The following HAS2 variants were observed in gnomAD, a reference collection of about 807,000 sequenced individuals.
HAS2 encodes the protein hyaluronan synthase 2, also known as HA synthase 2.
In HAS2, 16 loss-of-function variants were observed where a neutral mutation model predicts 51.6. The ratio of observed to expected loss-of-function variants is 0.31; its 90% CI spans 0.21 to 0.47. The LOEUF (loss-of-function observed/expected upper bound fraction) is 0.47, where lower values mean the gene tolerates loss of function less well. HAS2 is among the 20% of genes least tolerant of loss of function. The pLI, the probability that HAS2 is intolerant of heterozygous loss-of-function variation, is 1.00. For missense variants in HAS2, 361 were observed against 662.6 expected (o/e 0.54, Z 5.00); for synonymous variants, 228 against 235.5 (o/e 0.97, Z 0.29).
In HAS2 at chr8:121,636,157, A is replaced by G. The variant is rs148945857; in HGVS notation, c.-1+4696T>C. Reference sequence around the variant, plus strand: ...CATCACAAGTTTTAAAATCTCCTCCAGCAATTCAGCTATATAACAAAGTTT... The same window carrying G: ...CATCACAAGTTTTAAAATCTCCTCCGGCAATTCAGCTATATAACAAAGTTT... On this transcript the variant is annotated intron_variant, in intron 1 of 3. Coordinates refer to ENST00000303924, the MANE Select transcript of HAS2 (RefSeq NM_005328.3). 3.4e-3 allele frequency among the ~76,000 whole-genome samples: 516 copies of G among 152,368 alleles called. 3 individuals carry two copies. The Middle Eastern group carries it at 0.034, about 10-fold the overall frequency.
intron 3 of HAS2, among the ~76,000 whole-genome samples, chr8:121,616,298 G>A (rs1459713064): frequency 6.6e-6 from 1 of 151,420 alleles, no homozygotes; most frequent in Non-Finnish European, 1.5e-5. Flanking sequence ...GTATAAACTT[G>A]AGTCTCTGTT....
chr8:121,626,896 T>G (rs551970993), intron 2 of HAS2, among the ~76,000 whole-genome samples: 2 of 152,318 alleles, frequency 1.3e-5, no homozygotes, highest in Admixed American at 1.3e-4. Flanking sequence ...ATCTGGAGAC[T>G]TCCCCTATCT....
At chr8:121,625,658 AC>A (rs1452517683) in intron 2 of HAS2, among the ~76,000 whole-genome samples, 7 of 146,246 alleles carry the variant, frequency 4.8e-5, no homozygotes, top group Non-Finnish European at 1.0e-4. Flanking sequence ...AGAGACATGC[AC>A]CACCAAGTCC....
chr8:121,620,049 T>C (rs1048871116), intron 2 of HAS2, among the ~76,000 whole-genome samples: 9 of 152,158 alleles, frequency 5.9e-5, no homozygotes, highest in African/African-American at 9.7e-5. Flanking sequence ...AGAAGTTCTC[T>C]GAGAGAGATT....
At chr8:121,622,260 CT>C (rs1812783428) in intron 2 of HAS2, among the ~76,000 whole-genome samples, 1 of 151,970 alleles carries the variant, frequency 6.6e-6, no homozygotes, top group South Asian at 2.1e-4. Flanking sequence ...ACCATTCCCC[CT>C]GAACTCCTAC....
At chr8:121,624,200 T>C (rs1812812053) in intron 2 of HAS2, among the ~76,000 whole-genome samples, 1 of 152,232 alleles carries the variant, frequency 6.6e-6, no homozygotes, top group South Asian at 2.1e-4. Context: ...CACAGTCTTC[T>C]TGTGCTTAGA....
At chr8:121,627,096 G>GA (rs1411495627) in intron 2 of HAS2, among the ~76,000 whole-genome samples, 6 of 152,048 alleles carry the variant, frequency 3.9e-5, no homozygotes, top group South Asian at 2.1e-4. Context: ...AGAAAAGGAA[G>GA]AAAAAACCCT....
At position 121,614,484 on chromosome 8, in the gene HAS2, T is replaced by C. The variant is rs766380154; in HGVS notation, c.1284A>G (p.Arg428=). 5 of 1,613,834 alleles carry C rather than the reference T, an allele frequency of 3.1e-6. No homozygotes were observed. The highest frequency in any genetic ancestry group is 4.2e-6 in the Non-Finnish European group (5 of 1,179,842). ...LIKSSFASCL[R]GNIVMVFMSL... is the part of the protein sequence containing the mutation. ...ACATGAAGACCATGACGATATTTCC[T>C]CTAAGGCAGCTGGCAAAAGATGATT... Residue 428 remains arginine, a synonymous_variant, in exon 4 of 4, where the codon AGA becomes AGG. Coordinates refer to ENST00000303924, the MANE Select transcript of HAS2 (RefSeq NM_005328.3). The surrounding 1 kb of genome is among the most constrained non-coding windows in gnomAD (Gnocchi z 7.2).
intron 1 of HAS2, among the ~76,000 whole-genome samples, chr8:121,636,634 C>G (rs973542108): frequency 1.3e-5 from 2 of 152,176 alleles, no homozygotes; most frequent in African/African-American, 4.8e-5. Context: ...GTTCTTCCAA[C>G]TGCTCTACTG....
In HAS2 at chr8:121,629,320, T is replaced by C. The variant is rs756826207; in HGVS notation, c.21A>G (p.Leu7=). The C allele has an allele frequency of 7.5e-6, 12 of 1,609,744 alleles. No homozygotes were observed. Among genetic ancestry groups the C allele is most frequent in the Middle Eastern group, 1.7e-4 (1 of 6,054 alleles). The change falls in exon 2 of 4, where the codon CTA becomes CTG. Residue 7 remains leucine, a synonymous_variant. Transcript: ENST00000303924. ...TGGTTCCAATTATTCTCAGGATACATAGAAACCTCTCACAATGCATCTGTA... is the reference window on the plus strand; with the variant it reads ...TGGTTCCAATTATTCTCAGGATACACAGAAACCTCTCACAATGCATCTGTA... MHCERF[L]CILRIIGTTL...
intron 1 of HAS2, chr8:121,639,220 G>C (rs573736358): frequency 4.6e-5 from 7 of 152,338 alleles, no homozygotes; most frequent in African/African-American, 1.4e-4. Context: ...CAGGCCTCCA[G>C]TTGGGGGAAG....
At chr8:121,638,801 T>C (rs1184902067) in intron 1 of HAS2, among the ~76,000 whole-genome samples, 1 of 152,188 alleles carries the variant, frequency 6.6e-6, no homozygotes, top group Non-Finnish European at 1.5e-5. Context: ...TGAAAACTAA[T>C]TTAATGAATG....
chr8:121,621,179 A>G (rs1395220994), intron 2 of HAS2, among the ~76,000 whole-genome samples: 1 of 152,244 alleles, frequency 6.6e-6, no homozygotes, highest in Non-Finnish European at 1.5e-5. Context: ...CTTAAAAATA[A>G]CAGTGAAGTT....
chr8:121,615,011 A>G lies in HAS2; in HGVS notation c.757T>C (p.Ser253Pro). 6.2e-7 allele frequency: 1 copy of G among 1,606,062 alleles called. No individual in the cohort carries two copies. The change falls in exon 4 of 4, where the codon TCA becomes CCA. Residue 253 changes from serine (S) to proline (P), a missense_variant. Transcript: ENST00000303924. ...QILNKYDSWI[S>P]FLSSVRYWMA... The stretch of plus-strand genomic sequence containing the variant: ...CAATATCTTACACTGCTGAGGAATG[A>G]GATCCAGGAATCGTACTTGTTTAAA...
chr8:121,618,300 A>C (rs1812733006), intron 2 of HAS2, among the ~76,000 whole-genome samples: 1 of 152,186 alleles, frequency 6.6e-6, no homozygotes, highest in South Asian at 2.1e-4. Context: ...TCCCAGAACT[A>C]CTCAGTCCCA....
chr8:121,622,700 AAT>A (rs1481328974), intron 2 of HAS2, among the ~76,000 whole-genome samples: 9 of 151,870 alleles, frequency 5.9e-5, no homozygotes, highest in Non-Finnish European at 1.3e-4. Context: ...AAAAAAAAAA[AAT>A]CAATCCAAAG....
chr8:121,627,409 G>A (rs980054414), intron 2 of HAS2, among the ~76,000 whole-genome samples: 7 of 152,026 alleles, frequency 4.6e-5, no homozygotes, highest in African/African-American at 1.5e-4. Context: ...TGTCTAGAAG[G>A]GAGATTAACA....
Position 121,612,487 on chromosome 8 carries a change from T to A in HAS2, c.*1622A>T, listed in dbSNP as rs1218919874. ...GAGGCAGAAAGGCAGGAAGCCCATT[T>A]TTTTTTTAACACTTCTCCATGTGTC... is the stretch of plus-strand genomic sequence containing the variant. On this transcript the variant is annotated 3_prime_UTR_variant, in exon 4 of 4. Transcript: ENST00000303924. 6.6e-6 allele frequency: 1 copy of A among 152,156 alleles called. No individual in the cohort carries two copies. The highest frequency in any genetic ancestry group is 2.4e-5 in the African/African-American group (1 of 41,438). The allele number at this position is 152,156 out of a possible 1,614,324, so 9.4% of individuals were successfully genotyped here. A position where few individuals can be genotyped will look rare whatever the true frequency, so the allele number is the denominator to read the frequency against.
At chr8:121,638,760 T>G (rs1309338751) in intron 1 of HAS2, among the ~76,000 whole-genome samples, 1 of 152,238 alleles carries the variant, frequency 6.6e-6, no homozygotes, top group African/African-American at 2.4e-5. Context: ...TCAGCTGTAC[T>G]GTAACCTTAT....
Sources: allele counts gnomAD v4.1 joint callset (sites outside exome capture counted in the v4.1 genomes callset), GRCh38; gene constraint gnomAD v4.1.1; non-coding constraint Gnocchi (gnomAD v3.1); transcripts MANE v1.5; gene names NCBI Gene and HGNC (gene_info 2026-07-23, HGNC 2026-07-21).